TTC7A: variants seen among roughly 807,000 people sequenced by gnomAD.
TTC7A encodes tetratricopeptide repeat protein 7A.
TTC7A carries 110 observed loss-of-function variants against 103.7 expected under a neutral mutation model. The ratio of observed to expected loss-of-function variants is 1.06; its 90% CI spans 0.91 to 1.24. The LOEUF is 1.24. Among genes scored for constraint, TTC7A ranks in the 50% most tolerant of loss-of-function variants. The pLI is 0.00. For synonymous variants in TTC7A, 521 were observed against 467.9 expected (o/e 1.11, Z -1.47); for missense variants, 1,340 against 1,116.3 (o/e 1.20, Z -2.86).
At chr2:46,994,981 T>C (rs922673016) in intron 7 of TTC7A, among the ~76,000 whole-genome samples, 155 bp from the exon 8 acceptor site, 2 of 152,186 alleles carry the variant, frequency 1.3e-5, no homozygotes, top group Non-Finnish European at 1.5e-5. Context: ...TCCATAACTC[T>C]GGGGCATATG....
chr2:46,945,061 A>G (rs1228452664), intron 1 of TTC7A, among the ~76,000 whole-genome samples: 1 of 152,178 alleles, frequency 6.6e-6, no homozygotes, highest in African/African-American at 2.4e-5. Flanking sequence ...ACACCTGTGT[A>G]CCTATTAACC....
intron 5 of TTC7A, among the ~76,000 whole-genome samples, chr2:46,990,910 G>T (rs568034985): frequency 1.3e-5 from 2 of 151,970 alleles, no homozygotes; most frequent in Non-Finnish European, 2.9e-5. Flanking sequence ...CACCCCAGGG[G>T]TTGGTTGGTT....
intron 2 of TTC7A, among the ~76,000 whole-genome samples, chr2:46,932,752 T>G (rs761003564): frequency 1.1e-4 from 17 of 151,492 alleles, no homozygotes; most frequent in Non-Finnish European, 8.8e-5. Flanking sequence ...GATACAAAAA[T>G]TAGCCAAGAG....
At chr2:46,934,011 A>G (rs760379226) in intron 2 of TTC7A, among the ~76,000 whole-genome samples, 5 of 152,168 alleles carry the variant, frequency 3.3e-5, no homozygotes, top group Non-Finnish European at 7.4e-5. Context: ...CTCCAGCCCA[A>G]CTACTCACAG....
rs1678055779 is a variant in TTC7A at position 47,011,553 on chromosome 2, C to CT, written c.1392+119dup. ...ATGCCGAAGGTGGAAAGGATGGGAG[C>CT]TACCAGGCAGATGGGCCTGGGCAGG... is the stretch of plus-strand genomic sequence containing the variant. On this transcript the variant is annotated intron_variant, in intron 11 of 19. Coordinates refer to ENST00000319190, the MANE Select transcript of TTC7A (RefSeq NM_020458.4). 35 of 790,092 alleles carry CT rather than the reference C, an allele frequency of 4.4e-5. 1 individual carries two copies. The South Asian group carries it at 6.2e-4, about 14-fold the overall frequency. The allele number at this position is 790,092 out of a possible 1,614,324, so 48.9% of individuals were successfully genotyped here. A position where few individuals can be genotyped will look rare whatever the true frequency, so the allele number is the denominator to read the frequency against.
chr2:47,029,209 G>A lies in TTC7A; in HGVS notation c.1642-15G>A, dbSNP rs543444076. The stretch of plus-strand genomic sequence containing the variant: ...TGTGCCTGGGGAAGGCTAACCTGGC[G>A]GGTTCCTTCAACAGATCTCCAGTGC... On this transcript the variant is annotated splice_polypyrimidine_tract_variant and intron_variant, in intron 14 of 19. Transcript: ENST00000319190. 52 of 1,613,066 alleles carry A rather than the reference G, an allele frequency of 3.2e-5. No homozygotes were observed. The highest frequency in any genetic ancestry group is 2.5e-4 in the South Asian group (23 of 91,060).
In TTC7A at chr2:47,031,134, G is replaced by A. The variant is rs536504003; in HGVS notation, c.1802+1750G>A. ...TGCACTCTAGCCTGGGCGACAGAGC[G>A]AGACTCAGTCTCAAAAAAGAAAGAG... is the stretch of plus-strand genomic sequence containing the variant. On this transcript the variant is annotated intron_variant, in intron 15 of 19. Coordinates refer to ENST00000319190, the MANE Select transcript of TTC7A (RefSeq NM_020458.4). Among the ~76,000 whole-genome samples, 5 of 152,296 alleles carry A rather than the reference G, an allele frequency of 3.3e-5. No individual in the cohort carries two copies. In the East Asian group the frequency reaches 9.7e-4, roughly 29 times the overall value.
intron 15 of TTC7A, among the ~76,000 whole-genome samples, chr2:47,032,301 TGAG>T (rs1452288973): frequency 1.3e-5 from 2 of 152,170 alleles, no homozygotes; most frequent in Non-Finnish European, 2.9e-5. Context: ...TCAAAAAGGT[TGAG>T]GAGCCCTGGT....
chr2:46,974,904 C>T, intron 3 of TTC7A, 69 bp from the exon 4 acceptor site: 1 of 1,582,694 alleles, frequency 6.3e-7, no homozygotes, highest in East Asian at 2.3e-5. Flanking sequence ...CCACCTTCGG[C>T]CCATGGGGAG....
At chr2:46,996,126 G>A (rs530413783) in intron 8 of TTC7A, among the ~76,000 whole-genome samples, 5 of 152,354 alleles carry the variant, frequency 3.3e-5, no homozygotes, top group African/African-American at 9.6e-5. Flanking sequence ...AGCACTTTGG[G>A]TGCTCAGCAA....
intron 14 of TTC7A, among the ~76,000 whole-genome samples, chr2:47,027,703 G>A (rs1254089506): frequency 6.6e-6 from 1 of 152,196 alleles, no homozygotes; most frequent in African/African-American, 2.4e-5. Flanking sequence ...CAGCAGGTGG[G>A]GGCTGCCTCA....
At chr2:46,950,337 G>C in intron 1 of TTC7A, 26 bp from the exon 2 acceptor site, 1 of 1,613,106 alleles carries the variant, frequency 6.2e-7, no homozygotes, top group South Asian at 1.1e-5. Flanking sequence ...GGGGTTTGCT[G>C]CTCTGACCCC....
chr2:47,069,288 C>T (rs1475465414), intron 19 of TTC7A, among the ~76,000 whole-genome samples: 1 of 152,168 alleles, frequency 6.6e-6, no homozygotes, highest in East Asian at 1.9e-4. Context: ...CCATCGGGCC[C>T]CTGGCCGCTG....
chr2:47,002,258 A>C (rs1676897149), intron 8 of TTC7A, among the ~76,000 whole-genome samples: 1 of 152,196 alleles, frequency 6.6e-6, no homozygotes, highest in African/African-American at 2.4e-5. Flanking sequence ...GTGCATCCCC[A>C]GCGCTGGGCA....
chr2:47,019,821 A>G (rs1232216350), intron 11 of TTC7A, among the ~76,000 whole-genome samples: 2 of 152,140 alleles, frequency 1.3e-5, no homozygotes, highest in Non-Finnish European at 2.9e-5. Flanking sequence ...GGTGTTTGTA[A>G]GAAAGCTTTT....
At chr2:46,982,115 G>A (rs1674527575) in intron 5 of TTC7A, among the ~76,000 whole-genome samples, 2 of 152,370 alleles carry the variant, frequency 1.3e-5, no homozygotes, top group South Asian at 2.1e-4. Context: ...GCTCACATCT[G>A]TAATCCGAGC....
In TTC7A at chr2:47,070,662, G is replaced by A. The variant is rs180701265; in HGVS notation, c.2356-3040G>A. ...GCTTCCTGGGAGAGCAGAGTCTCGA[G>A]CACTTGAGATGTGGCCACACATCCC... On this transcript the variant is annotated intron_variant, in intron 19 of 19. Transcript: ENST00000319190. 3.3e-5 allele frequency among the ~76,000 whole-genome samples: 5 copies of A among 152,256 alleles called. No individual in the cohort carries two copies. The East Asian group carries it at 9.7e-4, about 29-fold the overall frequency.
At chr2:47,057,769 G>A (rs1683438246) in intron 18 of TTC7A, among the ~76,000 whole-genome samples, 1 of 152,172 alleles carries the variant, frequency 6.6e-6, no homozygotes, top group Non-Finnish European at 1.5e-5. Flanking sequence ...TTAGTCCAAA[G>A]GCCTCTGCAG....
intron 5 of TTC7A, among the ~76,000 whole-genome samples, chr2:46,981,793 G>A (rs542851028): frequency 1.3e-5 from 2 of 152,338 alleles, no homozygotes; most frequent in East Asian, 3.9e-4. Flanking sequence ...CTGCCCAATG[G>A]AGCTGCTTAT....
Sources: gnomAD v4.1 joint callset for allele counts (sites outside exome capture counted in the v4.1 genomes callset) on GRCh38, gnomAD v4.1.1 for gene constraint, MANE v1.5 for transcripts, NCBI Gene and HGNC (gene_info 2026-07-23, HGNC 2026-07-21) for gene names.